The following RBFOX2 variants were observed in gnomAD, a reference collection of about 807,000 sequenced individuals.
RBFOX2 encodes the protein RNA binding protein fox-1 homolog 2.
In RBFOX2, 10 loss-of-function variants were observed where a neutral mutation model predicts 49.1. The observed-to-expected ratio is 0.20, with a 90% CI of 0.13 to 0.35. RBFOX2 has a LOEUF of 0.35. Ranked by LOEUF, RBFOX2 falls within the 10% of genes least tolerant of loss-of-function variation. The pLI is 1.00. For missense variants in RBFOX2, 323 were observed against 486.9 expected, an observed-to-expected ratio of 0.66 and a Z score of 3.17; for synonymous variants, 183 against 187.4, an observed-to-expected ratio of 0.98 and a Z score of 0.19.
In RBFOX2 at chr22:35,932,155, G is replaced by A. The variant is rs1184464270; in HGVS notation, c.-34+6692C>T. 4.6e-5 allele frequency among the ~76,000 whole-genome samples: 7 copies of A among 151,980 alleles called. 1 individual carries two copies. Among genetic ancestry groups the A allele is most frequent in the African/African-American group, 1.7e-4 (7 of 41,416 alleles). On this transcript the variant is annotated intron_variant, in intron 1 of 13. Transcript: ENST00000359369. ...CCTCCATTCCACCAACTATCCCCGAGGGAAGAAAAGTAGTCATCATTTCTT... is the reference window on the plus strand; with the variant it reads ...CCTCCATTCCACCAACTATCCCCGAAGGAAGAAAAGTAGTCATCATTTCTT...
chr22:36,013,182 A>T (rs1326536292), intron 1 of RBFOX2, among the ~76,000 whole-genome samples: 1 of 152,046 alleles, frequency 6.6e-6, no homozygotes, highest in Non-Finnish European at 1.5e-5. Flanking sequence ...GCTGAAGCAG[A>T]GGACTGCTTG....
intron 1 of RBFOX2, among the ~76,000 whole-genome samples, chr22:35,910,586 T>C (rs193280909): frequency 2.6e-4 from 39 of 152,306 alleles, no homozygotes; most frequent in Admixed American, 2.2e-3. Flanking sequence ...CATTGTCCAT[T>C]TCTATACCTT....
At chr22:35,802,226 T>C (rs1949916749) in intron 2 of RBFOX2, among the ~76,000 whole-genome samples, 1 of 151,922 alleles carries the variant, frequency 6.6e-6, no homozygotes, top group African/African-American at 2.4e-5. Flanking sequence ...CTGAAAATGG[T>C]AGCAATAAAG....
chr22:35,972,018 A>G (rs192778171), intron 1 of RBFOX2, among the ~76,000 whole-genome samples: 1 of 151,318 alleles, frequency 6.6e-6, no homozygotes, highest in East Asian at 1.9e-4. Flanking sequence ...CTTCCTTCCA[A>G]ATCACCCTTC....
At chr22:35,979,278 TA>T (rs970030141) in intron 1 of RBFOX2, among the ~76,000 whole-genome samples, 4 of 152,186 alleles carry the variant, frequency 2.6e-5, no homozygotes, top group African/African-American at 9.7e-5. Flanking sequence ...GACATGCAAC[TA>T]AATGCAACGC....
intron 1 of RBFOX2, among the ~76,000 whole-genome samples, chr22:35,833,394 A>C (rs998180510): frequency 2.0e-5 from 3 of 152,222 alleles, no homozygotes; most frequent in Non-Finnish European, 4.4e-5. Context: ...TTCAGCTCAT[A>C]AAGAAAACTT....
chr22:35,738,906 C>T (rs561447464), exon 12 of RBFOX2: 6 of 152,750 alleles, frequency 3.9e-5, no homozygotes, highest in African/African-American at 1.4e-4. Flanking sequence ...TCTAACTACT[C>T]CGACCTTCAC....
intron 1 of RBFOX2, among the ~76,000 whole-genome samples, chr22:35,879,221 G>T (rs1042750390): frequency 1.3e-5 from 2 of 152,142 alleles, no homozygotes; most frequent in African/African-American, 4.8e-5. Context: ...CATATTTGTG[G>T]GTTCTGCATC....
At chr22:35,828,565 T>G (rs1956215408) in intron 1 of RBFOX2, among the ~76,000 whole-genome samples, 1 of 152,248 alleles carries the variant, frequency 6.6e-6, no homozygotes, top group East Asian at 1.9e-4. Flanking sequence ...AAGAACCACC[T>G]GAAAGAAATA....
At chr22:35,752,536 G>A (rs1935335785) in intron 9 of RBFOX2, 3 of 813,154 alleles carry the variant, frequency 3.7e-6, no homozygotes, top group Non-Finnish European at 4.5e-6. Flanking sequence ...ACGTGGAGCT[G>A]GAATGGTTAG....
rs77345856 is a variant in RBFOX2, at chr22:35,865,570, T to A, written c.-33-55566A>T. Among the ~76,000 whole-genome samples the A allele has an allele frequency of 8.3e-3, 1,258 of 152,288 alleles. 14 individuals are homozygous for A. Among genetic ancestry groups the A allele is most frequent in the African/African-American group, 0.028 (1,181 of 41,544 alleles). On this transcript the variant is annotated intron_variant, in intron 1 of 13. Transcript: ENST00000359369. ...CCCCTCCCCCATCTTTATTATTATT[T>A]TTTTTTGATGGTGATAGAAGAGGGA...
chr22:35,780,656 A>G (rs1944952711), intron 3 of RBFOX2, among the ~76,000 whole-genome samples: 1 of 152,246 alleles, frequency 6.6e-6, no homozygotes, highest in Non-Finnish European at 1.5e-5. Flanking sequence ...TAAAAACAAA[A>G]CACTGAGGTA....
chr22:35,921,376 T>C (rs1175398256), intron 1 of RBFOX2, among the ~76,000 whole-genome samples: 2 of 152,096 alleles, frequency 1.3e-5, no homozygotes, highest in South Asian at 4.1e-4. Flanking sequence ...ATCCTCAGAG[T>C]TTCTGATTCA....
intron 1 of RBFOX2, among the ~76,000 whole-genome samples, chr22:35,881,353 A>T (rs1284376344): frequency 6.6e-6 from 1 of 152,060 alleles, no homozygotes; most frequent in Non-Finnish European, 1.5e-5. Flanking sequence ...AGGTGGGAAG[A>T]TCACTTGAGA....
intron 1 of RBFOX2, among the ~76,000 whole-genome samples, chr22:36,018,945 A>C (rs2059145727): frequency 6.6e-6 from 1 of 152,186 alleles, no homozygotes; most frequent in Admixed American, 6.5e-5. Context: ...TCACTGTGTT[A>C]GCAGTCTGGA....
At chr22:35,825,765 G>A (rs1449035100) in intron 1 of RBFOX2, among the ~76,000 whole-genome samples, 1 of 151,354 alleles carries the variant, frequency 6.6e-6, no homozygotes, top group Non-Finnish European at 1.5e-5. Flanking sequence ...TGGATCACCT[G>A]AGGTCAGTAG....
chr22:35,798,127 C>T (rs1272362335), intron 2 of RBFOX2, among the ~76,000 whole-genome samples: 2 of 152,178 alleles, frequency 1.3e-5, no homozygotes, highest in Non-Finnish European at 2.9e-5. Flanking sequence ...AGGCATGCAC[C>T]ACCACGCCTG....
intron 1 of RBFOX2, among the ~76,000 whole-genome samples, chr22:35,987,266 G>A (rs2057764322): frequency 1.3e-5 from 2 of 152,142 alleles, no homozygotes; most frequent in African/African-American, 4.8e-5. Flanking sequence ...CAAGGGATAA[G>A]AACAAATTTA....
At chr22:35,740,520 C>T (rs1929390856) in exon 12 of RBFOX2, 1 of 152,516 alleles carries the variant, frequency 6.6e-6, no homozygotes, top group Admixed American at 6.5e-5. Flanking sequence ...ACACCACGAC[C>T]CCTTCCCCAC....
Sources: allele counts gnomAD v4.1 joint callset (sites outside exome capture counted in the v4.1 genomes callset), GRCh38; gene constraint gnomAD v4.1.1; transcripts MANE v1.5; gene names NCBI Gene and HGNC (gene_info 2026-07-23, HGNC 2026-07-21).